Variants in MTUS2 observed in about 807,000 individuals in gnomAD.
MTUS2 encodes microtubule-associated tumor suppressor candidate 2.
In MTUS2, 40 loss-of-function variants were observed where a neutral mutation model predicts 114.1. The ratio of observed to expected loss-of-function variants is 0.35; its 90% CI spans 0.27 to 0.46. The LOEUF (loss-of-function observed/expected upper bound fraction) is 0.46, where lower values mean the gene tolerates loss of function less well. Among genes scored for constraint, MTUS2 ranks in the 20% least tolerant of loss-of-function variants. MTUS2 has a pLI of 1.00. For synonymous variants in MTUS2, 688 were observed against 672.0 expected, an observed-to-expected ratio of 1.02 and a Z score of -0.37; for missense variants, 1,679 against 1,705.4, an observed-to-expected ratio of 0.98 and a Z score of 0.27.
In MTUS2 at chr13:29,503,452, C is replaced by T. The variant is rs753375209; in HGVS notation, c.*246C>T. 2.1e-4 allele frequency: 125 copies of T among 583,782 alleles called. No individual in the cohort carries two copies. Among genetic ancestry groups the T allele is most frequent in the Non-Finnish European group, 3.4e-4 (113 of 327,620 alleles). 36.2% of individuals were successfully genotyped at this position (583,782 alleles called of 1,614,324 possible). ...GTTAGAGCCAAAAGAAAGACACTTGCAATTGTTCTTGAGCAATGAACTTTC... is the reference window on the plus strand; with the variant it reads ...GTTAGAGCCAAAAGAAAGACACTTGTAATTGTTCTTGAGCAATGAACTTTC... On this transcript the variant is annotated 3_prime_UTR_variant, in exon 16 of 16. Transcript: ENST00000612955.
At chr13:29,161,322 T>G (rs1893087087) in intron 5 of MTUS2, among the ~76,000 whole-genome samples, 1 of 152,160 alleles carries the variant, frequency 6.6e-6, no homozygotes, top group Admixed American at 6.5e-5. Flanking sequence ...TTGCGCCGTA[T>G]TAATTTCTCA....
At chr13:29,454,656 C>T (rs1878973943) in intron 9 of MTUS2, among the ~76,000 whole-genome samples, 1 of 152,220 alleles carries the variant, frequency 6.6e-6, no homozygotes, top group Non-Finnish European at 1.5e-5. Flanking sequence ...CTTCCCTACA[C>T]TTGATCAATT....
Position 29,503,933 on chromosome 13 carries a change from A to T in MTUS2, c.*727A>T. On this transcript the variant is annotated 3_prime_UTR_variant, in exon 16 of 16. Coordinates refer to ENST00000612955, the MANE Select transcript of MTUS2 (RefSeq NM_001033602.4). Reference sequence around the variant, plus strand: ...ATTGATACTCCTGTCATGAGCGGATAAGGGAGAGCAGTGGGAAACCCTAAG... The same window carrying T: ...ATTGATACTCCTGTCATGAGCGGATTAGGGAGAGCAGTGGGAAACCCTAAG... 1 of 231,580 alleles carries T rather than the reference A, an allele frequency of 4.3e-6. No individual in the cohort carries two copies. The highest frequency in any genetic ancestry group is 1.8e-4 in the South Asian group (1 of 5,522). The allele number at this position is 231,580 out of a possible 1,614,324, so 14.3% of individuals were successfully genotyped here. A position where few individuals can be genotyped will look rare whatever the true frequency, so the allele number is the denominator to read the frequency against.
intron 2 of MTUS2, among the ~76,000 whole-genome samples, chr13:28,865,456 C>G (rs993443059): frequency 6.6e-6 from 1 of 152,162 alleles, no homozygotes; most frequent in African/African-American, 2.4e-5. Flanking sequence ...ACGAAATCAT[C>G]ATATTAAGTT....
chr13:29,157,441 A>G (rs1262773944), intron 5 of MTUS2, among the ~76,000 whole-genome samples: 1 of 152,210 alleles, frequency 6.6e-6, no homozygotes, highest in Non-Finnish European at 1.5e-5. Context: ...GTCTATGAAT[A>G]AATATTAGAA....
chr13:29,456,518 C>A (rs1879120367), intron 9 of MTUS2, among the ~76,000 whole-genome samples: 1 of 152,086 alleles, frequency 6.6e-6, no homozygotes, highest in South Asian at 2.1e-4. Context: ...AAGTGAAACC[C>A]AAGCAGGATA....
At chr13:28,941,274 A>T (rs973595816) in intron 2 of MTUS2, among the ~76,000 whole-genome samples, 1 of 152,084 alleles carries the variant, frequency 6.6e-6, no homozygotes, top group African/African-American at 2.4e-5. Flanking sequence ...TATTCTGTCT[A>T]TATTTACTGT....
intron 9 of MTUS2, among the ~76,000 whole-genome samples, chr13:29,467,075 T>G (rs1467494818): frequency 6.6e-6 from 1 of 152,064 alleles, no homozygotes; most frequent in Non-Finnish European, 1.5e-5. Context: ...ACCCAGACTA[T>G]GGGATAGAGG....
chr13:28,839,176 C>T (rs1875302731), intron 1 of MTUS2, among the ~76,000 whole-genome samples: 2 of 152,156 alleles, frequency 1.3e-5, no homozygotes, highest in African/African-American at 4.8e-5. Context: ...AACTAATCTT[C>T]CTGTTGGACA....
intron 15 of MTUS2, among the ~76,000 whole-genome samples, chr13:29,502,279 T>A (rs570921251): frequency 6.6e-6 from 1 of 152,372 alleles, no homozygotes; most frequent in Non-Finnish European, 1.5e-5. Flanking sequence ...TTCCTGTCAG[T>A]TCCTCAGAGG....
chr13:29,471,858 G>C (rs1034681460), intron 9 of MTUS2, among the ~76,000 whole-genome samples: 1 of 152,002 alleles, frequency 6.6e-6, no homozygotes, highest in Non-Finnish European at 1.5e-5. Flanking sequence ...TGTGGGTAAC[G>C]GTATGAGGCA....
chr13:29,497,442 C>A, intron 13 of MTUS2, 106 bp downstream of exon 13: 1 of 960,578 alleles, frequency 1.0e-6, no homozygotes, highest in Non-Finnish European at 1.6e-6. Flanking sequence ...TCTGTGAATC[C>A]GCTGCTGAAG....
rs141658301 is a variant in MTUS2, at chr13:29,137,560, C to G, written c.2644+36590C>G. On this transcript the variant is annotated intron_variant, in intron 5 of 15. Coordinates refer to ENST00000612955, the MANE Select transcript of MTUS2 (RefSeq NM_001033602.4). ...TCAGTCTTCTTCTTCTTTCTTCTTT[C>G]TTCTTTGTTCTTTCTTCTTCTTTCT... 3.3e-3 allele frequency among the ~76,000 whole-genome samples: 505 copies of G among 151,886 alleles called. 2 individuals carry two copies. Among genetic ancestry groups the G allele is most frequent in the African/African-American group, 9.8e-3 (406 of 41,442 alleles).
intron 9 of MTUS2, among the ~76,000 whole-genome samples, chr13:29,458,467 A>ACATG (rs1555281295): frequency 6.6e-6 from 1 of 152,204 alleles, no homozygotes; most frequent in African/African-American, 2.4e-5. Context: ...AGGTGAGAAA[A>ACATG]CATGCATGCC....
intron 10 of MTUS2, among the ~76,000 whole-genome samples, chr13:29,485,941 A>C (rs1881584314): frequency 7.1e-6 from 1 of 140,770 alleles, no homozygotes. Flanking sequence ...GGGCGGGGGA[A>C]GCGGGGGCCT....
chr13:29,383,252 G>GTGTGTGTGTGTGTATT (rs5802519), intron 8 of MTUS2, among the ~76,000 whole-genome samples: 4,590 of 135,858 alleles, frequency 0.034, 104 homozygotes, highest in Middle Eastern at 0.067. Flanking sequence ...GTGTGTGTGT[G>GTGTGTGTGTGTGTATT]TATTTATTTT....
intron 6 of MTUS2, among the ~76,000 whole-genome samples, chr13:29,290,940 G>T (rs1461309272): frequency 2.6e-5 from 4 of 152,190 alleles, no homozygotes; most frequent in African/African-American, 4.8e-5. Flanking sequence ...TTCCCCTAGT[G>T]ATTTGAGAGC....
rs542911984 is a variant in MTUS2, at chr13:29,014,010, C to A, written c.-242-10447C>A. ...ATAGCAATTTCTCCAAGGATTAGGA[C>A]CCTTCTCTTTGTCTTTCATTTCCTA... On this transcript the variant is annotated intron_variant, in intron 2 of 15. Coordinates refer to ENST00000612955, the MANE Select transcript of MTUS2 (RefSeq NM_001033602.4). Among the ~76,000 whole-genome samples the A allele has an allele frequency of 5.3e-5, 8 of 152,336 alleles. No individual in the cohort carries two copies. In the South Asian group the frequency reaches 1.7e-3, roughly 32 times the overall value.
At chr13:29,212,510 C>T (rs1039028514) in intron 5 of MTUS2, among the ~76,000 whole-genome samples, 3 of 152,184 alleles carry the variant, frequency 2.0e-5, no homozygotes, top group Non-Finnish European at 4.4e-5. Context: ...AAGACTGCCC[C>T]TCACTTTAGG....
Sources: gnomAD v4.1 joint callset for allele counts (sites outside exome capture counted in the v4.1 genomes callset) on GRCh38, gnomAD v4.1.1 for gene constraint, MANE v1.5 for transcripts, NCBI Gene and HGNC (gene_info 2026-07-23, HGNC 2026-07-21) for gene names.